The following SIX5 variants were observed in gnomAD, a reference collection of about 807,000 sequenced individuals.
The protein encoded by SIX5 is SIX homeobox 5.
A neutral mutation model predicts 37.1 loss-of-function variants in SIX5; 21 were observed. The ratio of observed to expected loss-of-function variants is 0.57; its 90% CI spans 0.40 to 0.81. The LOEUF (loss-of-function observed/expected upper bound fraction) is 0.81, where lower values mean the gene tolerates loss of function less well. Ranked by LOEUF, SIX5 falls within the 40% of genes least tolerant of loss-of-function variation. SIX5 has a pLI of 0.00. For synonymous variants in SIX5, 626 were observed against 505.9 expected, an observed-to-expected ratio of 1.24 and a Z score of -3.19; for missense variants, 1,137 against 1,025.1, an observed-to-expected ratio of 1.11 and a Z score of -1.49.
rs777662232 is a variant in SIX5 at position 45,766,393 on chromosome 19, C to T, written c.1566G>A (p.Gly522=). ...GCAGCTGCAGGGCAGTCACGCCCACCCCGGAGTTGATGAGGTGCACATTGG... is the reference window on the plus strand; with the variant it reads ...GCAGCTGCAGGGCAGTCACGCCCACTCCGGAGTTGATGAGGTGCACATTGG... ...GPANVHLINS[G]VGVTALQLPS... The change falls in exon 2 of 3, where the codon GGG becomes GGA. Residue 522 remains glycine, a synonymous_variant. Transcript: ENST00000317578. 18 of 1,589,484 alleles carry T rather than the reference C, an allele frequency of 1.1e-5. No homozygotes were observed. In the East Asian group the frequency reaches 3.9e-4, roughly 35 times the overall value.
chr19:45,766,619 G>A lies in SIX5; in HGVS notation c.1340C>T (p.Ala447Val). 6.8e-7 allele frequency: 1 copy of A among 1,471,214 alleles called. No homozygotes were observed. Among genetic ancestry groups the A allele is most frequent in the Non-Finnish European group, 9.0e-7 (1 of 1,108,414 alleles). The allele number at this position is 1,471,214 out of a possible 1,614,324, so 91.1% of individuals were successfully genotyped here. ...TFPLPPGPVP[A>V]VAAPQVVPLS... ...CGGTACCACTTGTGGGGCAGCCACA[G>A]CAGGCACTGGCCCCGGGGGCAGAGG... is the stretch of plus-strand genomic sequence containing the variant. Residue 447 changes from alanine (A) to valine (V), a missense_variant, in exon 2 of 3, where the codon GCT (alanine) becomes GTT (valine). Coordinates refer to ENST00000317578, the MANE Select transcript of SIX5 (RefSeq NM_175875.5).
rs965548013 is a variant in SIX5, at chr19:45,765,291, G to A, written c.*210C>T. ...ACAGCATGGGGAGGGCTGTAACAGA[G>A]AGGCCTCCCATCCAAAGGGGGATGG... On this transcript the variant is annotated 3_prime_UTR_variant, in exon 3 of 3. Transcript: ENST00000317578. The A allele has an allele frequency of 4.3e-6, 3 of 700,102 alleles. No homozygotes were observed. Among genetic ancestry groups the A allele is most frequent in the Non-Finnish European group, 5.0e-6 (2 of 397,042 alleles). The allele number at this position is 700,102 out of a possible 1,614,324, so 43.4% of individuals were successfully genotyped here.
Position 45,769,133 on chromosome 19 carries a change from G to A in SIX5, c.-289C>T. 2.1e-6 allele frequency: 1 copy of A among 466,232 alleles called. No individual in the cohort carries two copies. The highest frequency in any genetic ancestry group is 3.9e-6 in the Non-Finnish European group (1 of 259,554). The allele number at this position is 466,232 out of a possible 1,614,324, so 28.9% of individuals were successfully genotyped here. On this transcript the variant is annotated 5_prime_UTR_variant, in exon 1 of 3. Transcript: ENST00000317578. ...CCCCCAGCGTGTGCTTCTGGCTCAG[G>A]GCCTCAGTTTCCCCATCGGGACAAC...
intron 1 of SIX5, 143 bp downstream of exon 1, chr19:45,767,899 G>T: frequency 1.1e-6 from 1 of 882,568 alleles, no homozygotes; most frequent in Non-Finnish European, 1.7e-6. Flanking sequence ...CCCGCGCCCC[G>T]CGGGCGCCTG....
In SIX5 at chr19:45,766,782, C is replaced by T; in HGVS notation, c.1177G>A (p.Val393Met). 1 of 1,579,186 alleles carries T rather than the reference C, an allele frequency of 6.3e-7. No homozygotes were observed. Among genetic ancestry groups the T allele is most frequent in the Non-Finnish European group, 8.6e-7 (1 of 1,165,606 alleles). Residue 393 changes from valine to methionine, a missense_variant, in exon 2 of 3, where the codon GTG (valine) becomes ATG (methionine). This residue lies in a region of SIX5 where 787 missense variants were observed against 621.4 expected (regional missense o/e 1.27). Coordinates refer to ENST00000317578, the MANE Select transcript of SIX5 (RefSeq NM_175875.5). ...TCCGACTGAGCCTCCTCCAGCCGCA[C>T]CTCCCCTGTCTGAGGGTCCAGGACC... is the stretch of plus-strand genomic sequence containing the variant. ...SLVLDPQTGE[V>M]RLEEAQSEAP... is the part of the protein sequence containing the mutation.
At position 45,765,097 on chromosome 19, in the gene SIX5, AC is replaced by A; in HGVS notation, c.*403del. On this transcript the variant is annotated 3_prime_UTR_variant, in exon 3 of 3. Transcript: ENST00000317578. ...TCGGATTCCAGGCAGTTGTGACAAC[AC>A]CAGCTATCGGCAGAGCTATTAATAG... The A allele has an allele frequency of 3.9e-6, 1 of 257,744 alleles. No individual in the cohort carries two copies. The highest frequency in any genetic ancestry group is 7.7e-6 in the Non-Finnish European group (1 of 129,216). The allele number at this position is 257,744 out of a possible 1,614,324, so 16.0% of individuals were successfully genotyped here. A position where few individuals can be genotyped will look rare whatever the true frequency, so the allele number is the denominator to read the frequency against.
Position 45,768,632 on chromosome 19 carries a change from C to G in SIX5, c.213G>C (p.Gly71=). ...GTTCGGAAGCGGCCTCGGGGGGCGA[C>G]CCGGGGACGCCCGGGGATCCCGGGC... The part of the protein sequence containing the change: ...AEGPGSPGVP[G]SPPEAASEPP... Residue 71 remains glycine (G), a synonymous_variant, in exon 1 of 3, where the codon GGG becomes GGC. Transcript: ENST00000317578. 1 of 1,251,742 alleles carries G rather than the reference C, an allele frequency of 8.0e-7. No individual in the cohort carries two copies. Among genetic ancestry groups the G allele is most frequent in the Non-Finnish European group, 9.9e-7 (1 of 1,006,082 alleles). The allele number at this position is 1,251,742 out of a possible 1,614,324, so 77.5% of individuals were successfully genotyped here. A position where few individuals can be genotyped will look rare whatever the true frequency, so the allele number is the denominator to read the frequency against.
At position 45,765,823 on chromosome 19, in the gene SIX5, C is replaced by A; in HGVS notation, c.1898G>T (p.Ser633Ile). 1 of 1,602,424 alleles carries A rather than the reference C, an allele frequency of 6.2e-7. No individual in the cohort carries two copies. The highest frequency in any genetic ancestry group is 8.5e-7 in the Non-Finnish European group (1 of 1,179,686). Residue 633 changes from serine (S) to isoleucine (I), a missense_variant, in exon 3 of 3, where the codon AGC becomes ATC. By Grantham distance (142) the Ser-to-Ile change is moderately radical (BLOSUM62 -2). This residue lies in a region of SIX5 where 787 missense variants were observed against 621.4 expected (regional missense o/e 1.27). Coordinates refer to ENST00000317578, the MANE Select transcript of SIX5 (RefSeq NM_175875.5). ...AGGGGAGTCAGGGGAGAAGGGCAGG[C>A]TGGTGCTGGAGGTGGTGGCAGCGGC... ...PPAAATTSST[S>I]LPFSPDSPGL...
chr19:45,767,767 C>A, intron 1 of SIX5: 1 of 545,954 alleles, frequency 1.8e-6, no homozygotes, highest in Admixed American at 3.3e-5. Context: ...TCTAGTGCCC[C>A]CCGCAGTGTG....
rs768789921 is a variant in SIX5 at position 45,766,941 on chromosome 19, C to A, written c.1018G>T (p.Gly340Trp). 10 of 1,573,834 alleles carry A rather than the reference C, an allele frequency of 6.4e-6. No individual in the cohort carries two copies. Among genetic ancestry groups the A allele is most frequent in the East Asian group, 2.4e-5 (1 of 42,540 alleles). ...ASGSPAVLLNGGPVIINGLAL... is the reference protein window; with the variant it reads ...ASGSPAVLLNWGPVIINGLAL... ...AGGCCGTTGATGATGACGGGGCCCCCGTTGAGGAGCACTGCTGGGGAGCCG... is the reference window on the plus strand; with the variant it reads ...AGGCCGTTGATGATGACGGGGCCCCAGTTGAGGAGCACTGCTGGGGAGCCG... The change falls in exon 2 of 3, where the codon GGG becomes TGG. Residue 340 changes from glycine to tryptophan, a missense_variant. Transcript: ENST00000317578.
rs771658903 is a variant in SIX5, at chr19:45,768,174, C to G, written c.671G>C (p.Arg224Pro). The G allele has an allele frequency of 5.6e-6, 9 of 1,612,616 alleles. No homozygotes were observed. In the East Asian group the frequency reaches 2.0e-4, roughly 36 times the overall value. ...AALKACYRGN[R>P]YPTPDEKRRL... ...GCGCTTCTCGTCCGGCGTGGGGTAG[C>G]GGTTGCCGCGGTAGCAGGCCTTGAG... The change falls in exon 1 of 3, where the codon CGC (arginine) becomes CCC (proline). Residue 224 changes from arginine (R) to proline (P), a missense_variant. Coordinates refer to ENST00000317578, the MANE Select transcript of SIX5 (RefSeq NM_175875.5).
rs766223552 is a variant in SIX5, at chr19:45,766,786, C to T, written c.1173G>A (p.Gly391=). 2 of 1,578,014 alleles carry T rather than the reference C, an allele frequency of 1.3e-6. No homozygotes were observed. Residue 391 remains glycine (G), a synonymous_variant, in exon 2 of 3, where the codon GGG becomes GGA. Coordinates refer to ENST00000317578, the MANE Select transcript of SIX5 (RefSeq NM_175875.5). The part of the protein sequence containing the change: ...KTSLVLDPQT[G]EVRLEEAQSE... ...ACTGAGCCTCCTCCAGCCGCACCTC[C>T]CCTGTCTGAGGGTCCAGGACCAGAG...
Position 45,768,948 on chromosome 19 carries a change from T to G in SIX5, c.-104A>C. The G allele has an allele frequency of 9.8e-7, 1 of 1,020,322 alleles. No individual in the cohort carries two copies. The highest frequency in any genetic ancestry group is 1.4e-6 in the Non-Finnish European group (1 of 737,084). The allele number at this position is 1,020,322 out of a possible 1,614,324, so 63.2% of individuals were successfully genotyped here. A position where few individuals can be genotyped will look rare whatever the true frequency, so the allele number is the denominator to read the frequency against. ...CCCTTTTCGCCCCCACTCCCCGCTC[T>G]TCTCGATCTTCTTTCTGGCCGACCC... On this transcript the variant is annotated 5_prime_UTR_variant, in exon 1 of 3. Transcript: ENST00000317578.
chr19:45,768,018 C>G (rs1969117519), intron 1 of SIX5, 24 bp downstream of exon 1: 1 of 1,590,334 alleles, frequency 6.3e-7, no homozygotes, highest in African/African-American at 1.3e-5. Context: ...GAGAGCTGGA[C>G]TTGCGCCGCC....
chr19:45,767,357 G>A (rs1202177214), intron 1 of SIX5, among the ~76,000 whole-genome samples: 6 of 152,176 alleles, frequency 3.9e-5, no homozygotes, highest in East Asian at 1.9e-4. Context: ...CGCTGGGGAG[G>A]GAAGAGGCCC....
intron 1 of SIX5, chr19:45,767,732 G>T: frequency 2.1e-6 from 1 of 474,620 alleles, no homozygotes; most frequent in South Asian, 3.1e-5. Context: ...AGTGGCCACA[G>T]GCCCTGTCCT....
In SIX5 at chr19:45,766,495, G is replaced by A. The variant is rs753759460; in HGVS notation, c.1464C>T (p.Pro488=). Residue 488 remains proline, a synonymous_variant, in exon 2 of 3, where the codon CCC becomes CCT. Coordinates refer to ENST00000317578, the MANE Select transcript of SIX5 (RefSeq NM_175875.5). The stretch of plus-strand genomic sequence containing the variant: ...ACAGCTGCAGGGGCCCCACAGCCTG[G>A]GGCAGGGTCACCACCTGTGAGGTGG... ...VVPTSQVVTL[P]QAVGPLQLLA... 41 of 1,515,876 alleles carry A rather than the reference G, an allele frequency of 2.7e-5. No individual in the cohort carries two copies. Among genetic ancestry groups the A allele is most frequent in the Non-Finnish European group, 3.6e-5 (40 of 1,125,870 alleles). The allele number at this position is 1,515,876 out of a possible 1,614,324, so 93.9% of individuals were successfully genotyped here.
rs568463993 is a variant in SIX5 at position 45,769,250 on chromosome 19, T to G, written c.-406A>C. The G allele has an allele frequency of 2.8e-5, 5 of 175,556 alleles. No homozygotes were observed. In the South Asian group the frequency reaches 5.0e-4, roughly 18 times the overall value. The allele number at this position is 175,556 out of a possible 1,614,324, so 10.9% of individuals were successfully genotyped here. On this transcript the variant is annotated 5_prime_UTR_variant, in exon 1 of 3. Transcript: ENST00000317578. The stretch of plus-strand genomic sequence containing the variant: ...GCACGCCTCCGTCTCCAGGGTCCTC[T>G]GCAGGCCCCCACATTCCCCATCTCG...
rs772182553 is a variant in SIX5 at position 45,768,695 on chromosome 19, G to GGCC, written c.147_149dup (p.Ala50dup). On this transcript the variant is annotated inframe_insertion, in exon 1 of 3. Coordinates refer to ENST00000317578, the MANE Select transcript of SIX5 (RefSeq NM_175875.5). ...CAGCCGCTGCGCCCGCCCCGGCCCC[G>GGCC]GCCGCCGCCGCCGCCTCACCCTCGG... The GGCC allele has an allele frequency of 2.4e-5, 29 of 1,212,352 alleles. No homozygotes were observed. Among genetic ancestry groups the GGCC allele is most frequent in the South Asian group, 8.1e-5 (4 of 49,168 alleles). 75.1% of individuals were successfully genotyped at this position (1,212,352 alleles called of 1,614,324 possible). A position where few individuals can be genotyped will look rare whatever the true frequency, so the allele number is the denominator to read the frequency against.
Sources: allele counts gnomAD v4.1 joint callset (sites outside exome capture counted in the v4.1 genomes callset), GRCh38; gene constraint gnomAD v4.1.1; regional missense constraint gnomAD v4.1.1; transcripts MANE v1.5; gene names NCBI Gene and HGNC (gene_info 2026-07-23, HGNC 2026-07-21).